AKR1C3: variants seen among roughly 807,000 people sequenced by gnomAD.
The protein encoded by AKR1C3 is aldo-keto reductase family 1 member C3, also known as 3-alpha hydroxysteroid dehydrogenase, type II.
A neutral mutation model predicts 43.6 loss-of-function variants in AKR1C3; 48 were observed. The observed-to-expected ratio is 1.10, with a 90% CI of 0.87 to 1.40. The LOEUF (loss-of-function observed/expected upper bound fraction) is 1.40. AKR1C3 is among the 40% of genes most tolerant of loss of function. The pLI, the probability that AKR1C3 is intolerant of heterozygous loss-of-function variation, is 0.00. For synonymous variants in AKR1C3, 162 were observed against 139.6 expected (o/e 1.16, Z -1.13); for missense variants, 482 against 391.2 (o/e 1.23, Z -1.96).
At position 5,055,867 on chromosome 10, in the gene AKR1C3, C is replaced by T. The variant is rs11817359; in HGVS notation, c.84+6972C>T. Among the ~76,000 whole-genome samples the T allele has an allele frequency of 2.0e-3, 297 of 152,242 alleles. 1 individual carries two copies. The highest frequency in any genetic ancestry group is 6.5e-3 in the African/African-American group (271 of 41,540). Reference sequence around the variant, plus strand: ...CTTGCTGTATCTGGGGATCCATAGTCGGCAAAAGCCGGTAATTCCAAGGAA... The same window carrying T: ...CTTGCTGTATCTGGGGATCCATAGTTGGCAAAAGCCGGTAATTCCAAGGAA... On this transcript the variant is annotated intron_variant, in intron 1 of 8. Coordinates refer to the AKR1C3 transcript ENST00000439082.
chr10:5,098,284 T>G (rs1839261568), intron 3 of AKR1C3: 3 of 756,512 alleles, frequency 4.0e-6, no homozygotes, highest in Non-Finnish European at 4.8e-6. Context: ...TGACCCAAAC[T>G]TTTTCATTGG....
intron 1 of AKR1C3, among the ~76,000 whole-genome samples, chr10:5,068,177 A>G (rs1838547103): frequency 6.6e-6 from 1 of 152,174 alleles, no homozygotes; most frequent in Non-Finnish European, 1.5e-5. Flanking sequence ...CATAATAATC[A>G]TAATTATAGT....
At chr10:5,058,566 C>A (rs4881386) in intron 1 of AKR1C3, among the ~76,000 whole-genome samples, 4 of 151,918 alleles carry the variant, frequency 2.6e-5, no homozygotes, top group East Asian at 1.9e-4. Flanking sequence ...TGTTTCTCCC[C>A]CTGCCCAAGA....
At chr10:5,053,068 G>T (rs890304915) in intron 1 of AKR1C3, among the ~76,000 whole-genome samples, 9 of 152,102 alleles carry the variant, frequency 5.9e-5, no homozygotes, top group African/African-American at 1.9e-4. Flanking sequence ...AGACTCAGGA[G>T]CCCAGCTGGC....
At chr10:5,099,591 G>T (rs142937618) in intron 5 of AKR1C3, 142 bp downstream of exon 5, 2 of 1,434,148 alleles carry the variant, frequency 1.4e-6, no homozygotes, top group Admixed American at 2.2e-5. Context: ...CAAGAAAGGC[G>T]TGAAGATTTC....
chr10:5,051,971 C>CG (rs1320378375), intron 1 of AKR1C3, among the ~76,000 whole-genome samples: 2 of 152,132 alleles, frequency 1.3e-5, no homozygotes, highest in African/African-American at 4.8e-5. Flanking sequence ...AAGTTAGGAT[C>CG]GGGGGTGGTG....
chr10:5,060,988 C>T (rs912299576), intron 1 of AKR1C3, among the ~76,000 whole-genome samples: 21 of 152,208 alleles, frequency 1.4e-4, no homozygotes, highest in Admixed American at 5.2e-4. Context: ...GGCCCACAAG[C>T]GTGGCGCACA....
intron 1 of AKR1C3, among the ~76,000 whole-genome samples, chr10:5,060,379 G>A (rs1838356431): frequency 1.3e-5 from 2 of 152,094 alleles, no homozygotes; most frequent in South Asian, 4.1e-4. Context: ...CCGTTTTGAT[G>A]GTGCTGATTG....
chr10:5,076,815 A>G (rs1838724899), intron 1 of AKR1C3, among the ~76,000 whole-genome samples: 1 of 152,160 alleles, frequency 6.6e-6, no homozygotes, highest in African/African-American at 2.4e-5. Context: ...ATGCTACGCC[A>G]TTACCCAGCC....
At chr10:5,100,586 A>C (rs1273372184) in intron 5 of AKR1C3, among the ~76,000 whole-genome samples, 1 of 152,224 alleles carries the variant, frequency 6.6e-6, no homozygotes, top group Non-Finnish European at 1.5e-5. Context: ...ATTCAAAATT[A>C]AAGTCACTCT....
intron 1 of AKR1C3, among the ~76,000 whole-genome samples, chr10:5,054,025 G>T (rs946694575): frequency 6.6e-6 from 1 of 152,208 alleles, no homozygotes; most frequent in Non-Finnish European, 1.5e-5. Context: ...CCAGAGGTTG[G>T]TATAAGAATT....
At chr10:5,074,436 G>C (rs1355859765) in intron 1 of AKR1C3, among the ~76,000 whole-genome samples, 2 of 152,214 alleles carry the variant, frequency 1.3e-5, no homozygotes, top group African/African-American at 2.4e-5. Flanking sequence ...AGAGAGGCTT[G>C]CACCTGTAGA....
At position 5,057,511 on chromosome 10, in the gene AKR1C3, G is replaced by A. The variant is rs555766347; in HGVS notation, c.84+8616G>A. 2.0e-3 allele frequency among the ~76,000 whole-genome samples: 309 copies of A among 152,222 alleles called. 2 individuals are homozygous for A. The highest frequency in any genetic ancestry group is 6.5e-3 in the African/African-American group (269 of 41,508). On this transcript the variant is annotated intron_variant, in intron 1 of 8. Transcript: ENST00000439082. ...TATCTTTTAGAATCAATTGACCCTC[G>A]AGTGATTTGGGTGACGGGAGTATAA...
At chr10:5,094,569 A>T (rs781790361) in intron 1 of AKR1C3, 41 bp downstream of exon 1, 1 of 1,604,356 alleles carries the variant, frequency 6.2e-7, no homozygotes, top group South Asian at 1.1e-5. Flanking sequence ...TCAAAAGAAT[A>T]AACCTAGTAG....
In AKR1C3 at chr10:5,055,899, C is replaced by G. The variant is rs1838250838; in HGVS notation, c.84+7004C>G. Among the ~76,000 whole-genome samples, 3 of 152,174 alleles carry G rather than the reference C, an allele frequency of 2.0e-5. No homozygotes were observed. The South Asian group carries it at 6.2e-4, about 32-fold the overall frequency. On this transcript the variant is annotated intron_variant, in intron 1 of 8. Transcript: ENST00000439082. The stretch of plus-strand genomic sequence containing the variant: ...AGCCGGTAATTCCAAGGAACCCCCT[C>G]AACTGTTTTAATGTCTTAGGGCAAA...
At position 5,072,840 on chromosome 10, in the gene AKR1C3, C is replaced by T. The variant is rs117352425; in HGVS notation, c.85-23570C>T. On this transcript the variant is annotated intron_variant, in intron 1 of 8. Coordinates refer to the AKR1C3 transcript ENST00000439082. Reference sequence around the variant, plus strand: ...AGTTATCATTTATCTCAAGAAGATGCATGTAAGGATTATATTTCTTGGCTA... The same window carrying T: ...AGTTATCATTTATCTCAAGAAGATGTATGTAAGGATTATATTTCTTGGCTA... Among the ~76,000 whole-genome samples, 1,221 of 152,236 alleles carry T rather than the reference C, an allele frequency of 8.0e-3. 10 individuals are homozygous for T. Among genetic ancestry groups the T allele is most frequent in the Non-Finnish European group, 0.013 (907 of 68,012 alleles).
intron 1 of AKR1C3, among the ~76,000 whole-genome samples, chr10:5,089,313 C>T (rs1231866759): frequency 6.6e-6 from 1 of 151,984 alleles, no homozygotes; most frequent in African/African-American, 2.4e-5. Flanking sequence ...GAAAATATTT[C>T]TGCATTATTT....
intron 7 of AKR1C3, chr10:5,105,309 CCCTATCATGTGGGCACAAT>C (rs1554786983): frequency 8.6e-4 from 70 of 81,246 alleles, no homozygotes; most frequent in African/African-American, 5.2e-3. Context: ...CACAATGTGA[CCCTATCATGTGGGCACAAT>C]GTCAGCGCTG....
At chr10:5,094,212 T>C, upstream of AKR1C3, 1 of 305,104 alleles carries the variant, frequency 3.3e-6, no homozygotes, top group Non-Finnish European at 6.2e-6. Flanking sequence ...GAGTTTATTA[T>C]AACCATATAT....
Sources: allele counts gnomAD v4.1 joint callset (sites outside exome capture counted in the v4.1 genomes callset), GRCh38; gene constraint gnomAD v4.1.1; transcripts MANE v1.5; gene names NCBI Gene and HGNC (gene_info 2026-07-23, HGNC 2026-07-21).